The following EXOC6B variants were observed in gnomAD, a reference collection of about 807,000 sequenced individuals.
EXOC6B encodes SEC15 homolog B.
A neutral mutation model predicts 113.5 loss-of-function variants in EXOC6B; 54 were observed. The observed-to-expected ratio is 0.48, with a 90% CI of 0.38 to 0.60. The LOEUF (loss-of-function observed/expected upper bound fraction) is 0.60, where lower values mean the gene tolerates loss of function less well. Among genes scored for constraint, EXOC6B ranks in the 20% least tolerant of loss-of-function variants. The pLI is 0.00. For missense variants in EXOC6B, 797 were observed against 977.5 expected, an observed-to-expected ratio of 0.82 and a Z score of 2.46; for synonymous variants, 357 against 339.0, an observed-to-expected ratio of 1.05 and a Z score of -0.58.
chr2:72,471,346 G>T (rs1698401453), intron 17 of EXOC6B, among the ~76,000 whole-genome samples: 1 of 152,008 alleles, frequency 6.6e-6, no homozygotes, highest in Non-Finnish European at 1.5e-5. Flanking sequence ...TGAGTTTATT[G>T]TAGATTCTGG....
intron 7 of EXOC6B, among the ~76,000 whole-genome samples, chr2:72,563,619 A>G (rs1220602515): frequency 6.6e-6 from 1 of 152,170 alleles, no homozygotes; most frequent in Non-Finnish European, 1.5e-5. Flanking sequence ...CCCCACAGAT[A>G]ATATTTACTA....
chr2:72,634,004 G>A (rs1438207982), intron 6 of EXOC6B, among the ~76,000 whole-genome samples: 3 of 151,706 alleles, frequency 2.0e-5, no homozygotes, highest in Non-Finnish European at 2.9e-5. Flanking sequence ...AGGAGAGTAG[G>A]ACAACGAAAA....
At chr2:72,592,038 A>G (rs936415953) in intron 6 of EXOC6B, among the ~76,000 whole-genome samples, 1 of 152,046 alleles carries the variant, frequency 6.6e-6, no homozygotes, top group African/African-American at 2.4e-5. Flanking sequence ...AATATTATCA[A>G]AATTTTATAA....
chr2:72,801,190 T>C (rs1047203744), intron 1 of EXOC6B, among the ~76,000 whole-genome samples: 1 of 152,206 alleles, frequency 6.6e-6, no homozygotes, highest in African/African-American at 2.4e-5. Context: ...CAATTTCTAC[T>C]GAGGTATAGA....
chr2:72,290,252 G>A (rs1407627567), intron 20 of EXOC6B, among the ~76,000 whole-genome samples: 1 of 152,162 alleles, frequency 6.6e-6, no homozygotes, highest in Non-Finnish European at 1.5e-5. Flanking sequence ...GTATGTGTGT[G>A]TATACAAATT....
chr2:72,492,070 C>T (rs1699769641), intron 16 of EXOC6B, among the ~76,000 whole-genome samples: 1 of 151,674 alleles, frequency 6.6e-6, no homozygotes, highest in African/African-American at 2.4e-5. Context: ...TGTATTCTAA[C>T]AACTTCAGAA....
intron 6 of EXOC6B, among the ~76,000 whole-genome samples, chr2:72,662,343 T>C (rs991785932): frequency 6.6e-6 from 1 of 152,184 alleles, no homozygotes; most frequent in Non-Finnish European, 1.5e-5. Flanking sequence ...ACTTCATGTT[T>C]TGTTCTACAA....
At chr2:72,480,886 T>A in intron 16 of EXOC6B, 136 bp from the exon 17 acceptor site, 1 of 847,024 alleles carries the variant, frequency 1.2e-6, no homozygotes, top group Non-Finnish European at 1.8e-6. Context: ...AGGGGTATGT[T>A]AAAGCATGGG....
intron 5 of EXOC6B, among the ~76,000 whole-genome samples, chr2:72,719,895 T>C (rs1679882909): frequency 6.6e-6 from 1 of 152,222 alleles, no homozygotes; most frequent in Admixed American, 6.5e-5. Context: ...GTATTTTTTC[T>C]CTTTTCTTAA....
chr2:72,511,486 C>T (rs140261551), intron 11 of EXOC6B, among the ~76,000 whole-genome samples: 19 of 152,170 alleles, frequency 1.2e-4, no homozygotes, highest in Admixed American at 1.0e-3. Flanking sequence ...CTTACTATCA[C>T]TCCTTGACCC....
intron 18 of EXOC6B, among the ~76,000 whole-genome samples, chr2:72,401,683 A>G (rs1693342982): frequency 9.0e-6 from 1 of 110,834 alleles, no homozygotes; most frequent in South Asian, 2.5e-4. Context: ...ATATATATAT[A>G]TATGAAAAAG....
chr2:72,767,039 A>C (rs1683107375), intron 1 of EXOC6B, among the ~76,000 whole-genome samples: 1 of 152,062 alleles, frequency 6.6e-6, no homozygotes, highest in African/African-American at 2.4e-5. Context: ...AATACAGAAG[A>C]ATGTAAGAAA....
intron 20 of EXOC6B, among the ~76,000 whole-genome samples, chr2:72,298,711 T>C (rs1021620028): frequency 2.0e-5 from 3 of 152,226 alleles, no homozygotes; most frequent in Non-Finnish European, 4.4e-5. Flanking sequence ...TTTGCTTGTC[T>C]GTAAAGGATT....
At chr2:72,196,305 G>GA (rs2104307870) in intron 20 of EXOC6B, among the ~76,000 whole-genome samples, 1 of 152,170 alleles carries the variant, frequency 6.6e-6, no homozygotes, top group South Asian at 2.1e-4. Flanking sequence ...ATAGGCAGAA[G>GA]AAAAAATACC....
intron 6 of EXOC6B, among the ~76,000 whole-genome samples, chr2:72,601,229 C>T (rs1270316818): frequency 6.6e-6 from 1 of 151,446 alleles, no homozygotes; most frequent in Non-Finnish European, 1.5e-5. Context: ...GTCACCCAGG[C>T]TGGAGTGCAG....
intron 18 of EXOC6B, among the ~76,000 whole-genome samples, chr2:72,454,593 T>C (rs1001437193): frequency 1.3e-5 from 2 of 152,160 alleles, no homozygotes; most frequent in Admixed American, 6.5e-5. Flanking sequence ...GTATGTTAAA[T>C]TCTAGATTCT....
At chr2:72,465,473 C>T (rs1697988794) in intron 17 of EXOC6B, 134 bp from the exon 18 acceptor site, 2 of 663,862 alleles carry the variant, frequency 3.0e-6, no homozygotes, top group African/African-American at 3.7e-5. Flanking sequence ...ATACATATCA[C>T]AGTCTTCTTT....
intron 6 of EXOC6B, among the ~76,000 whole-genome samples, chr2:72,667,050 A>G (rs1047462471): frequency 6.6e-6 from 1 of 151,954 alleles, no homozygotes. Context: ...TTTTTAGTAG[A>G]GATGGGGTTT....
At chr2:72,617,614 C>T (rs556170792) in intron 6 of EXOC6B, among the ~76,000 whole-genome samples, 1 of 149,896 alleles carries the variant, frequency 6.7e-6, no homozygotes, top group South Asian at 2.1e-4. Context: ...CCTCCACTGC[C>T]CAGGTTCAAG....
Sources: gnomAD v4.1 joint callset for allele counts (sites outside exome capture counted in the v4.1 genomes callset) on GRCh38, gnomAD v4.1.1 for gene constraint, MANE v1.5 for transcripts, NCBI Gene and HGNC (gene_info 2026-07-23, HGNC 2026-07-21) for gene names.